Variants in RAB3B observed in about 807,000 individuals in gnomAD.
The protein encoded by RAB3B is RAB3B, member RAS oncogene family.
In RAB3B, 11 loss-of-function variants were observed where a neutral mutation model predicts 20.5. The ratio of observed to expected loss-of-function variants is 0.54; its 90% CI spans 0.34 to 0.89. The LOEUF is 0.89. RAB3B is among the 40% of genes least tolerant of loss of function. The probability of loss-of-function intolerance (pLI) is 0.02; values close to 1 mark genes in which losing one functional copy is unlikely to be tolerated. For synonymous variants in RAB3B, 99 were observed against 106.3 expected (o/e 0.93, Z 0.42); for missense variants, 225 against 280.9 (o/e 0.80, Z 1.42).
rs1490939201 is a variant in RAB3B at position 51,918,000 on chromosome 1, A to G, written c.*1927T>C. On this transcript the variant is annotated 3_prime_UTR_variant, in exon 5 of 5. Coordinates refer to ENST00000371655, the MANE Select transcript of RAB3B (RefSeq NM_002867.4). The stretch of plus-strand genomic sequence containing the variant: ...GAGGATTCAGGCCATGATAGAGAAG[A>G]AAGGTTTTCTGGAATCACTGCCAGT... 6.6e-6 allele frequency: 1 copy of G among 152,232 alleles called. No individual in the cohort carries two copies. The highest frequency in any genetic ancestry group is 1.5e-5 in the Non-Finnish European group (1 of 68,042). 9.4% of individuals were successfully genotyped at this position (152,232 alleles called of 1,614,324 possible). A position where few individuals can be genotyped will look rare whatever the true frequency, so the allele number is the denominator to read the frequency against.
At position 51,913,165 on chromosome 1, in the gene RAB3B, A is replaced by G. The variant is rs1684030054; in HGVS notation, c.*6762T>C. The G allele has an allele frequency of 6.6e-6, 1 of 152,214 alleles. No individual in the cohort carries two copies. The highest frequency in any genetic ancestry group is 2.4e-5 in the African/African-American group (1 of 41,452). The allele number at this position is 152,214 out of a possible 1,614,324, so 9.4% of individuals were successfully genotyped here. On this transcript the variant is annotated 3_prime_UTR_variant, in exon 5 of 5. Transcript: ENST00000371655. ...TCCTGTGAAATGAGAAGTCAGATTC[A>G]TCCCTCGGGGATAGCTAAGAGGTAT...
In RAB3B at chr1:51,913,267, T is replaced by A. The variant is rs1259301612; in HGVS notation, c.*6660A>T. The A allele has an allele frequency of 6.6e-6, 1 of 152,048 alleles. No homozygotes were observed. Among genetic ancestry groups the A allele is most frequent in the East Asian group, 1.9e-4 (1 of 5,188 alleles). 9.4% of individuals were successfully genotyped at this position (152,048 alleles called of 1,614,324 possible). A position where few individuals can be genotyped will look rare whatever the true frequency, so the allele number is the denominator to read the frequency against. The stretch of plus-strand genomic sequence containing the variant: ...ATTCCTCCAAAGTAAATCCTTTGGA[T>A]CACTATTAAACAAATGATAAGACTG... On this transcript the variant is annotated 3_prime_UTR_variant, in exon 5 of 5. Transcript: ENST00000371655.
intron 2 of RAB3B, among the ~76,000 whole-genome samples, chr1:51,973,955 T>A (rs1684971164): frequency 6.6e-6 from 1 of 152,160 alleles, no homozygotes; most frequent in Non-Finnish European, 1.5e-5. Flanking sequence ...TATCTTATGT[T>A]CAAAGATTAA....
chr1:51,961,874 G>A (rs1333693302), intron 2 of RAB3B, among the ~76,000 whole-genome samples: 3 of 152,102 alleles, frequency 2.0e-5, no homozygotes, highest in Non-Finnish European at 2.9e-5. Flanking sequence ...GAACTTAAGT[G>A]ATTCTCCTGC....
chr1:51,989,103 G>GCGCGCACACACACACACACACACA lies in RAB3B; in HGVS notation c.-1+1448_-1+1449insTGTGTGTGTGTGTGTGTGTGCGCG, dbSNP rs377673682. The stretch of plus-strand genomic sequence containing the variant: ...CAGGTGGACACCCACCTGTGCGCGC[G>GCGCGCACACACACACACACACACA]CACACACACACACACACACACACAC... On this transcript the variant is annotated intron_variant, in intron 1 of 4. Coordinates refer to ENST00000371655, the MANE Select transcript of RAB3B (RefSeq NM_002867.4). Among the ~76,000 whole-genome samples, 29 of 132,760 alleles carry GCGCGCACACACACACACACACACA rather than the reference G, an allele frequency of 2.2e-4. 1 individual carries two copies. Among genetic ancestry groups the GCGCGCACACACACACACACACACA allele is most frequent in the Non-Finnish European group, 3.1e-4 (19 of 61,982 alleles). 87.1% of individuals were successfully genotyped at this position (132,760 alleles called of 152,430 possible).
chr1:51,965,840 AAATG>A (rs1250920286), intron 2 of RAB3B, among the ~76,000 whole-genome samples: 1 of 152,206 alleles, frequency 6.6e-6, no homozygotes, highest in Non-Finnish European at 1.5e-5. Context: ...TAGTTTTGAC[AAATG>A]TATCATGGTT....
At chr1:51,958,883 C>G (rs564774037) in intron 2 of RAB3B, among the ~76,000 whole-genome samples, 4 of 152,188 alleles carry the variant, frequency 2.6e-5, no homozygotes, top group Non-Finnish European at 5.9e-5. Context: ...ACTGCAAGTG[C>G]AGAGAGAAGA....
At chr1:51,925,458 A>C (rs1267587356) in intron 4 of RAB3B, among the ~76,000 whole-genome samples, 1 of 152,206 alleles carries the variant, frequency 6.6e-6, no homozygotes, top group African/African-American at 2.4e-5. Context: ...ACTGGAATTG[A>C]AAGAGGTCTG....
intron 4 of RAB3B, among the ~76,000 whole-genome samples, chr1:51,930,797 C>T (rs2124246110): frequency 6.6e-6 from 1 of 152,200 alleles, no homozygotes; most frequent in South Asian, 2.1e-4. Flanking sequence ...GGGCAGATCA[C>T]CTGAGGTCAG....
At chr1:51,986,143 CG>C (rs1281638622) in intron 1 of RAB3B, among the ~76,000 whole-genome samples, 2 of 126,728 alleles carry the variant, frequency 1.6e-5, no homozygotes, top group Non-Finnish European at 3.2e-5. Context: ...TCCATTTCTA[CG>C]AATTTTTTTT....
At chr1:51,941,795 T>C (rs1684498547) in intron 2 of RAB3B, among the ~76,000 whole-genome samples, 1 of 152,230 alleles carries the variant, frequency 6.6e-6, no homozygotes, top group Non-Finnish European at 1.5e-5. Context: ...CTTATCAAAG[T>C]ATTCCTTCTG....
chr1:51,970,069 CA>C (rs112681651), intron 2 of RAB3B, among the ~76,000 whole-genome samples: 197 of 135,116 alleles, frequency 1.5e-3, no homozygotes, highest in African/African-American at 2.9e-3. Context: ...GACCCTATCT[CA>C]AAAAAAAAAA....
At chr1:51,974,846 A>G (rs1039161129) in intron 2 of RAB3B, among the ~76,000 whole-genome samples, 1 of 152,258 alleles carries the variant, frequency 6.6e-6, no homozygotes, top group Non-Finnish European at 1.5e-5. Flanking sequence ...AGTACTACAT[A>G]CAGACTGCCC....
At chr1:51,938,767 CT>C (rs1684449234) in intron 2 of RAB3B, among the ~76,000 whole-genome samples, 1 of 151,930 alleles carries the variant, frequency 6.6e-6, no homozygotes, top group African/African-American at 2.4e-5. Context: ...TCTCCACCCC[CT>C]GGGCTCAAGT....
chr1:51,931,089 A>T (rs1440058964), intron 4 of RAB3B, among the ~76,000 whole-genome samples: 3 of 152,044 alleles, frequency 2.0e-5, no homozygotes, highest in African/African-American at 7.2e-5. Flanking sequence ...CCAAATATGT[A>T]TTAGAAAATA....
intron 2 of RAB3B, among the ~76,000 whole-genome samples, chr1:51,938,209 G>A (rs2124257702): frequency 6.6e-6 from 1 of 151,894 alleles, no homozygotes; most frequent in African/African-American, 2.4e-5. Flanking sequence ...AGCATGCAGT[G>A]AAATATACAA....
At chr1:51,937,459 G>GGC (rs749827500) in intron 2 of RAB3B, 47 bp from the exon 3 acceptor site, 1 of 1,389,656 alleles carries the variant, frequency 7.2e-7, no homozygotes, top group Middle Eastern at 1.9e-4. Context: ...GTCTGCTTTG[G>GGC]TTCCTAAAAA....
intron 2 of RAB3B, among the ~76,000 whole-genome samples, chr1:51,946,883 A>G (rs568866122): frequency 1.8e-4 from 27 of 152,362 alleles, no homozygotes; most frequent in African/African-American, 6.3e-4. Flanking sequence ...TAACTTGCCT[A>G]AGATCTTGCA....
intron 4 of RAB3B, among the ~76,000 whole-genome samples, chr1:51,924,499 G>C (rs1376524609): frequency 2.0e-5 from 3 of 152,194 alleles, no homozygotes; most frequent in Admixed American, 6.5e-5. Context: ...AGCATGAATA[G>C]AGCACAGATA....
Sources: gnomAD v4.1 joint callset for allele counts (sites outside exome capture counted in the v4.1 genomes callset) on GRCh38, gnomAD v4.1.1 for gene constraint, MANE v1.5 for transcripts, NCBI Gene and HGNC (gene_info 2026-07-23, HGNC 2026-07-21) for gene names.